Variants in H1-8 observed in about 807,000 individuals in gnomAD.
H1-8 encodes the protein H1.8 linker histone, also known as histone H1.8.
In H1-8, 13 loss-of-function variants were observed where a neutral mutation model predicts 19.5. That is an observed-to-expected ratio of 0.67 (90% CI 0.43 to 1.06). H1-8 has a LOEUF of 1.06. Among genes scored for constraint, H1-8 ranks in the 50% least tolerant of loss-of-function variants. The pLI is 0.00. For missense variants in H1-8, 432 were observed against 459.8 expected, an observed-to-expected ratio of 0.94 and a Z score of 0.55; for synonymous variants, 193 against 187.6, an observed-to-expected ratio of 1.03 and a Z score of -0.24.
chr3:129,550,497 A>G (rs2084925355), intron 3 of H1-8, among the ~76,000 whole-genome samples: 1 of 152,180 alleles, frequency 6.6e-6, no homozygotes, highest in South Asian at 2.1e-4. Flanking sequence ...GGCTTGGAGC[A>G]CTAGTGCTTT....
Position 129,551,367 on chromosome 3 carries a change from C to G in H1-8, c.*27C>G, listed in dbSNP as rs370823567. The stretch of plus-strand genomic sequence containing the variant: ...GCCAGAGGCAGGGGCGGAGAGAGAC[C>G]GAGCCTCTGCCCTAGTTTTTATTCT... On this transcript the variant is annotated 3_prime_UTR_variant, in exon 5 of 5. Transcript: ENST00000324382. The G allele has an allele frequency of 6.9e-7, 1 of 1,441,402 alleles. No homozygotes were observed. Among genetic ancestry groups the G allele is most frequent in the Non-Finnish European group, 9.6e-7 (1 of 1,040,692 alleles). The allele number at this position is 1,441,402 out of a possible 1,614,324, so 89.3% of individuals were successfully genotyped here.
chr3:129,549,292 G>T lies in H1-8; in HGVS notation c.670G>T (p.Ala224Ser). 6.3e-7 allele frequency: 1 copy of T among 1,595,104 alleles called. No individual in the cohort carries two copies. Among genetic ancestry groups the T allele is most frequent in the Non-Finnish European group, 8.5e-7 (1 of 1,172,948 alleles). Residue 224 changes from alanine (A) to serine (S), a missense_variant, in exon 3 of 5, where the codon GCC becomes TCC. By Grantham distance (99) the Ala-to-Ser change is moderately conservative. Coordinates refer to ENST00000324382, the MANE Select transcript of H1-8 (RefSeq NM_153833.3). Reference protein sequence around the residue: ...ARKVPPKPDKAMRAPSSAGGL... With the variant: ...ARKVPPKPDKSMRAPSSAGGL... ...GAAGGTGCCCCCCAAGCCAGACAAG[G>T]CCATGCGGGCACCTTCCAGTGCTGG...
chr3:129,547,009 C>T (rs1410419613), intron 1 of H1-8, among the ~76,000 whole-genome samples: 1 of 152,060 alleles, frequency 6.6e-6, no homozygotes, highest in Non-Finnish European at 1.5e-5. Flanking sequence ...ACCAGCCTGG[C>T]CAACATGGTG....
intron 3 of H1-8, among the ~76,000 whole-genome samples, chr3:129,549,675 C>T (rs973035417): frequency 6.6e-5 from 10 of 151,832 alleles, no homozygotes; most frequent in Middle Eastern, 3.4e-3. Flanking sequence ...GTTTTTAGGC[C>T]GGGCATGGTG....
At chr3:129,544,987 C>A (rs2084877401) in intron 1 of H1-8, among the ~76,000 whole-genome samples, 1 of 151,288 alleles carries the variant, frequency 6.6e-6, no homozygotes. Context: ...GTGATTAGGT[C>A]TCTTTATAAT....
chr3:129,547,562 C>G lies in H1-8; in HGVS notation c.260C>G (p.Thr87Arg), dbSNP rs776389666. Residue 87 changes from threonine to arginine, a missense_variant, in exon 2 of 5, where the codon ACA becomes AGA. Coordinates refer to ENST00000324382, the MANE Select transcript of H1-8 (RefSeq NM_153833.3). ...IKLYILHKYP[T>R]VDVLRFKYLL... ...CTCTACATCCTGCACAAGTACCCAA[C>G]AGTGGACGTCCTCCGCTTCAAGTAC... 1 of 1,572,864 alleles carries G rather than the reference C, an allele frequency of 6.4e-7. No homozygotes were observed. Among genetic ancestry groups the G allele is most frequent in the Non-Finnish European group, 8.6e-7 (1 of 1,159,156 alleles).
At chr3:129,543,992 A>T in intron 1 of H1-8, among the ~76,000 whole-genome samples, 1 of 152,066 alleles carries the variant, frequency 6.6e-6, no homozygotes, top group South Asian at 2.1e-4. Context: ...ACCTAGGGAG[A>T]TAGGGAGGGG....
At chr3:129,543,608 AC>A (rs1350633258) in intron 1 of H1-8, among the ~76,000 whole-genome samples, 2 of 150,316 alleles carry the variant, frequency 1.3e-5, no homozygotes, top group African/African-American at 4.8e-5. Context: ...TCCTGCTGGG[AC>A]CGTAGCCCGT....
At position 129,547,474 on chromosome 3, in the gene H1-8, A is replaced by G. The variant is rs2084897835; in HGVS notation, c.172A>G (p.Met58Val). The change falls in exon 2 of 5, where the codon ATG (methionine) becomes GTG (valine). Residue 58 changes from methionine to valine, a missense_variant. Physicochemically the swap from Met to Val is conservative, Grantham distance 21. Transcript: ENST00000324382. ...ACGCCGCCACCCCCCGGTGCTACGC[A>G]TGGTGCTGGAGGCGCTGCAGGCTGG... ...VGRRHPPVLR[M>V]VLEALQAGEQ... 1 of 1,535,646 alleles carries G rather than the reference A, an allele frequency of 6.5e-7. No homozygotes were observed. Among genetic ancestry groups the G allele is most frequent in the Non-Finnish European group, 8.8e-7 (1 of 1,138,520 alleles).
At chr3:129,543,391 C>A in intron 1 of H1-8, 85 bp downstream of exon 1, 1 of 989,284 alleles carries the variant, frequency 1.0e-6, no homozygotes, top group South Asian at 1.4e-5. Flanking sequence ...GCTTCTCGTT[C>A]TTTCCCAGCC....
chr3:129,544,570 T>C (rs759966131), intron 1 of H1-8, among the ~76,000 whole-genome samples: 17 of 151,182 alleles, frequency 1.1e-4, no homozygotes, highest in Non-Finnish European at 2.1e-4. Context: ...AGGGGCAGAT[T>C]TGGGGGGCTG....
chr3:129,549,397 G>T (rs1462548178), intron 3 of H1-8, 33 bp downstream of exon 3: 17 of 1,533,984 alleles, frequency 1.1e-5, no homozygotes, highest in Non-Finnish European at 1.5e-5. Flanking sequence ...GTGGTGTGGG[G>T]ATGGGGGTCT....
intron 2 of H1-8, chr3:129,548,194 C>A (rs1383895154): frequency 3.1e-6 from 1 of 318,980 alleles, no homozygotes; most frequent in Non-Finnish European, 4.5e-6. Context: ...AGACCCACGG[C>A]CTGACTTGTC....
chr3:129,547,727 C>T (rs1560051734), intron 2 of H1-8, 47 bp downstream of exon 2: 15 of 1,470,046 alleles, frequency 1.0e-5, no homozygotes, highest in South Asian at 4.0e-5. Flanking sequence ...GAGCAATGGT[C>T]CTGGCCTCTG....
chr3:129,545,994 G>A (rs2084883779), intron 1 of H1-8, among the ~76,000 whole-genome samples: 1 of 151,978 alleles, frequency 6.6e-6, no homozygotes, highest in Non-Finnish European at 1.5e-5. Flanking sequence ...AAAACTTTCA[G>A]GGCCGAGCAT....
intron 1 of H1-8, among the ~76,000 whole-genome samples, chr3:129,547,154 G>A (rs964758029): frequency 2.0e-5 from 3 of 152,242 alleles, no homozygotes; most frequent in Admixed American, 1.3e-4. Flanking sequence ...CTGAGATCAC[G>A]CCATTGCACT....
rs774238252 is a variant in H1-8 at position 129,543,316 on chromosome 3, A to G, written c.88+10A>G. ...GAATCTGAAAAGCCAGGTGAGCAAGAGGAGGCAGCTCCTCCCTCATCCCTG... is the reference window on the plus strand; with the variant it reads ...GAATCTGAAAAGCCAGGTGAGCAAGGGGAGGCAGCTCCTCCCTCATCCCTG... On this transcript the variant is annotated intron_variant, in intron 1 of 4. Coordinates refer to ENST00000324382, the MANE Select transcript of H1-8 (RefSeq NM_153833.3). 1.2e-6 allele frequency: 2 copies of G among 1,604,092 alleles called. No homozygotes were observed. Among genetic ancestry groups the G allele is most frequent in the East Asian group, 4.5e-5 (2 of 44,612 alleles).
rs769179541 is a variant in H1-8, at chr3:129,551,206, G to C, written c.907G>C (p.Ala303Pro). Residue 303 changes from alanine to proline, a missense_variant, in exon 5 of 5, where the codon GCT (alanine) becomes CCT (proline). Ala to Pro is a conservative substitution (Grantham distance 27). Coordinates refer to ENST00000324382, the MANE Select transcript of H1-8 (RefSeq NM_153833.3). ...QGPNTKAAAPAKGSGSKVVPA... is the reference protein window; with the variant it reads ...QGPNTKAAAPPKGSGSKVVPA... ...GCCAAACACCAAGGCTGCTGCTCCT[G>C]CTAAGGGCAGTGGGTCCAAGGTGGT... 6.2e-7 allele frequency: 1 copy of C among 1,614,248 alleles called. No individual in the cohort carries two copies. The highest frequency in any genetic ancestry group is 8.5e-7 in the Non-Finnish European group (1 of 1,180,036).
chr3:129,543,756 G>A (rs183365737), intron 1 of H1-8, among the ~76,000 whole-genome samples: 4 of 152,348 alleles, frequency 2.6e-5, no homozygotes, highest in Admixed American at 2.6e-4. Context: ...GGCAAACCAG[G>A]CCCAGTTCAC....
Sources: allele counts gnomAD v4.1 joint callset (sites outside exome capture counted in the v4.1 genomes callset), GRCh38; gene constraint gnomAD v4.1.1; transcripts MANE v1.5; gene names NCBI Gene and HGNC (gene_info 2026-07-23, HGNC 2026-07-21).